The following SYT1 variants were observed in gnomAD, a reference collection of about 807,000 sequenced individuals.
SYT1 encodes the protein synaptotagmin 1, also known as synaptotagmin-1.
Under a neutral mutation model 44.8 loss-of-function variants are expected in SYT1, and 8 were observed. The ratio of observed to expected loss-of-function variants is 0.18; its 90% CI spans 0.10 to 0.32. The LOEUF is 0.32. Ranked by LOEUF, SYT1 falls within the 10% of genes least tolerant of loss-of-function variation. The probability of loss-of-function intolerance (pLI) is 1.00; values close to 1 mark genes in which losing one functional copy is unlikely to be tolerated. For synonymous variants in SYT1, 154 were observed against 188.8 expected (o/e 0.82, Z 1.51); for missense variants, 286 against 509.3 (o/e 0.56, Z 4.22).
intron 4 of SYT1, among the ~76,000 whole-genome samples, chr12:79,285,330 T>C (rs749199069): frequency 1.3e-5 from 2 of 152,230 alleles, no homozygotes; most frequent in Non-Finnish European, 2.9e-5. Flanking sequence ...CACTGCATCT[T>C]ATTATTTAAT....
At chr12:79,412,634 T>C (rs1343143981) in intron 9 of SYT1, among the ~76,000 whole-genome samples, 1 of 152,200 alleles carries the variant, frequency 6.6e-6, no homozygotes, top group Non-Finnish European at 1.5e-5. Flanking sequence ...TTGTTAATCA[T>C]TTTGAGTTTT....
At chr12:78,929,359 G>A (rs1265179510) in intron 1 of SYT1, among the ~76,000 whole-genome samples, 8 of 122,550 alleles carry the variant, frequency 6.5e-5, no homozygotes, top group Admixed American at 1.1e-4. Flanking sequence ...TGGAGATTGC[G>A]CCAGTGTACT....
intron 1 of SYT1, among the ~76,000 whole-genome samples, chr12:78,884,680 T>C (rs915479225): frequency 1.1e-4 from 16 of 151,280 alleles, no homozygotes; most frequent in African/African-American, 3.9e-4. Context: ...TTTATAATTA[T>C]ATTTAATATA....
intron 2 of SYT1, among the ~76,000 whole-genome samples, chr12:79,028,477 G>C (rs963087506): frequency 2.0e-5 from 3 of 151,258 alleles, no homozygotes; most frequent in African/African-American, 7.3e-5. Context: ...CTGTATATTC[G>C]TTACAGAGAC....
intron 3 of SYT1, among the ~76,000 whole-genome samples, chr12:79,082,550 CAT>C (rs1270528662): frequency 6.6e-6 from 1 of 152,124 alleles, no homozygotes; most frequent in Non-Finnish European, 1.5e-5. Context: ...TATACATAAA[CAT>C]ATACCTTATA....
intron 3 of SYT1, among the ~76,000 whole-genome samples, chr12:79,099,889 C>T (rs1042560577): frequency 6.6e-6 from 1 of 151,996 alleles, no homozygotes; most frequent in Admixed American, 6.6e-5. Flanking sequence ...ATTAGAATCC[C>T]AGGGGAAGCA....
chr12:79,002,888 T>C (rs972230011), intron 2 of SYT1, among the ~76,000 whole-genome samples: 3 of 152,080 alleles, frequency 2.0e-5, no homozygotes, highest in African/African-American at 7.2e-5. Flanking sequence ...TGTCGTTTCC[T>C]TTTAAAATGA....
intron 9 of SYT1, among the ~76,000 whole-genome samples, chr12:79,365,384 A>G (rs1253661897): frequency 6.6e-6 from 1 of 152,030 alleles, no homozygotes; most frequent in Non-Finnish European, 1.5e-5. Flanking sequence ...TATGAGAAAA[A>G]CTATATAAAT....
At chr12:78,987,097 A>G (rs1869694600) in intron 2 of SYT1, among the ~76,000 whole-genome samples, 1 of 152,072 alleles carries the variant, frequency 6.6e-6, no homozygotes, top group African/African-American at 2.4e-5. Context: ...CGTTCAAAAT[A>G]TTCTGCTGTT....
chr12:78,941,434 C>CACACACAT (rs1491424889), intron 1 of SYT1, among the ~76,000 whole-genome samples: 35 of 141,634 alleles, frequency 2.5e-4, no homozygotes, highest in African/African-American at 8.3e-4. Flanking sequence ...CACACACACA[C>CACACACAT]ATTATGTAAT....
rs1295033114 is a variant in SYT1, at chr12:79,179,199, T to TAG, written c.-17-38303_-17-38302insGA. ...AGATATATAGATATAGATATAGATA[T>TAG]ATAGATATAGATATAGATATATAGA... On this transcript the variant is annotated intron_variant, in intron 3 of 10. Transcript: ENST00000261205. Among the ~76,000 whole-genome samples, 10 of 37,738 alleles carry TAG rather than the reference T, an allele frequency of 2.6e-4. 1 individual carries two copies. Among genetic ancestry groups the TAG allele is most frequent in the East Asian group, 2.5e-3 (4 of 1,624 alleles). 24.8% of individuals were successfully genotyped at this position (37,738 alleles called of 152,430 possible).
At chr12:79,093,811 A>T (rs1877939337) in intron 3 of SYT1, among the ~76,000 whole-genome samples, 1 of 151,722 alleles carries the variant, frequency 6.6e-6, no homozygotes, top group South Asian at 2.1e-4. Flanking sequence ...TTTTTATCTT[A>T]TTTCTAGTAG....
chr12:79,425,795 C>G (rs1424179311), intron 9 of SYT1, among the ~76,000 whole-genome samples: 1 of 152,142 alleles, frequency 6.6e-6, no homozygotes, highest in African/African-American at 2.4e-5. Flanking sequence ...TTCTGTCCAT[C>G]TAACACAGTT....
rs1310316528 is a variant in SYT1 at position 79,144,694 on chromosome 12, GT to G, written c.-17-72806del. Among the ~76,000 whole-genome samples, 18 of 152,254 alleles carry G rather than the reference GT, an allele frequency of 1.2e-4. 1 individual carries two copies. The East Asian group carries it at 3.5e-3, about 29-fold the overall frequency. On this transcript the variant is annotated intron_variant, in intron 3 of 10. Coordinates refer to ENST00000261205, the MANE Select transcript of SYT1 (RefSeq NM_005639.3). ...ACCTCTTCACACCCTGGCTCATTTCGTTTAAGAGACTTATTTCCCAAGAAAT... is the reference window on the plus strand; with the variant it reads ...ACCTCTTCACACCCTGGCTCATTTCGTTAAGAGACTTATTTCCCAAGAAAT...
At chr12:79,099,260 C>T (rs1878313794) in intron 3 of SYT1, among the ~76,000 whole-genome samples, 1 of 152,070 alleles carries the variant, frequency 6.6e-6, no homozygotes, top group Non-Finnish European at 1.5e-5. Flanking sequence ...TCAACTAATA[C>T]ATTGAGAAAT....
chr12:79,427,756 C>G (rs528899835), intron 9 of SYT1, among the ~76,000 whole-genome samples: 135 of 152,170 alleles, frequency 8.9e-4, no homozygotes, highest in Non-Finnish European at 1.2e-3. Flanking sequence ...GGAACACATT[C>G]AAAGGGCTAA....
intron 1 of SYT1, among the ~76,000 whole-genome samples, chr12:78,922,141 T>C (rs954785902): frequency 1.3e-5 from 2 of 152,038 alleles, no homozygotes; most frequent in African/African-American, 4.8e-5. Flanking sequence ...TAAGGTTTTA[T>C]GAACTCTGAG....
At chr12:78,913,241 G>A (rs1232297336) in intron 1 of SYT1, among the ~76,000 whole-genome samples, 1 of 149,058 alleles carries the variant, frequency 6.7e-6, no homozygotes, top group Non-Finnish European at 1.5e-5. Flanking sequence ...TATTCATTTT[G>A]CATCAATCTA....
chr12:79,337,742 T>A (rs773561101), intron 8 of SYT1, among the ~76,000 whole-genome samples: 8 of 152,224 alleles, frequency 5.3e-5, no homozygotes, highest in Non-Finnish European at 1.0e-4. Context: ...GCACACTTTC[T>A]GGCATATTGC....
Sources: gnomAD v4.1 joint callset for allele counts (sites outside exome capture counted in the v4.1 genomes callset) on GRCh38, gnomAD v4.1.1 for gene constraint, MANE v1.5 for transcripts, NCBI Gene and HGNC (gene_info 2026-07-23, HGNC 2026-07-21) for gene names.